The following SHB variants were observed in gnomAD, a reference collection of about 807,000 sequenced individuals.
The protein encoded by SHB is SH2 domain containing adaptor protein B.
SHB carries 20 observed loss-of-function variants against 52.3 expected under a neutral mutation model. The ratio of observed to expected loss-of-function variants is 0.38; its 90% CI spans 0.27 to 0.56. The LOEUF is 0.56. SHB is among the 20% of genes least tolerant of loss of function. The pLI, the probability that SHB is intolerant of heterozygous loss-of-function variation, is 0.71. For synonymous variants in SHB, 397 were observed against 316.5 expected (o/e 1.25, Z -2.70); for missense variants, 825 against 723.3 (o/e 1.14, Z -1.61).
chr9:37,982,083 C>T (rs1473074924), intron 2 of SHB, among the ~76,000 whole-genome samples: 2 of 150,642 alleles, frequency 1.3e-5, no homozygotes, highest in Admixed American at 6.6e-5. Context: ...TTGCCACAAA[C>T]CTTCATTTTG....
intron 3 of SHB, among the ~76,000 whole-genome samples, chr9:37,962,295 T>C (rs780820635): frequency 6.6e-6 from 1 of 152,150 alleles, no homozygotes; most frequent in Non-Finnish European, 1.5e-5. Context: ...TCCAAGAAGA[T>C]AGGGCATTTC....
chr9:37,950,246 T>G (rs1271370374), intron 4 of SHB, among the ~76,000 whole-genome samples: 2 of 151,940 alleles, frequency 1.3e-5, no homozygotes, highest in Non-Finnish European at 2.9e-5. Flanking sequence ...CTGATTTTCC[T>G]TGTGTGTGTG....
At chr9:37,991,207 T>C (rs1178966287) in intron 2 of SHB, among the ~76,000 whole-genome samples, 1 of 152,162 alleles carries the variant, frequency 6.6e-6, no homozygotes. Flanking sequence ...CATTAACCCC[T>C]AGGACAGATG....
chr9:37,948,724 G>A lies in SHB; in HGVS notation c.1257C>T (p.Asp419=), dbSNP rs746089815. The change falls in exon 5 of 6, where the codon GAC becomes GAT. Residue 419 remains aspartate, a synonymous_variant. Transcript: ENST00000377707. The part of the protein sequence containing the change: ...IWYHGAISRG[D]AENLLRLCKE... ...TGCAGAGTCGCAGCAGGTTCTCGGCGTCTCCTCTGCTGATGGCTCCGTGAT... is the reference window on the plus strand; with the variant it reads ...TGCAGAGTCGCAGCAGGTTCTCGGCATCTCCTCTGCTGATGGCTCCGTGAT... The A allele has an allele frequency of 9.2e-5, 148 of 1,613,726 alleles. No homozygotes were observed. Among genetic ancestry groups the A allele is most frequent in the Middle Eastern group, 3.3e-4 (2 of 6,082 alleles).
At chr9:38,048,173 T>C (rs1821683630) in intron 1 of SHB, among the ~76,000 whole-genome samples, 1 of 152,210 alleles carries the variant, frequency 6.6e-6, no homozygotes, top group Non-Finnish European at 1.5e-5. Context: ...CCAATAGTAA[T>C]TAAATGATTT....
intron 5 of SHB, among the ~76,000 whole-genome samples, chr9:37,946,012 A>C (rs971697026): frequency 3.9e-5 from 6 of 152,138 alleles, no homozygotes; most frequent in Admixed American, 1.3e-4. Context: ...TGACCCCAGG[A>C]AACAGGGGCA....
At chr9:38,053,473 G>A (rs561926870) in intron 1 of SHB, among the ~76,000 whole-genome samples, 3 of 152,164 alleles carry the variant, frequency 2.0e-5, no homozygotes, top group South Asian at 2.1e-4. Context: ...TCCTGACCTC[G>A]TGATCCGCCC....
chr9:38,055,100 G>A (rs1336522221), intron 1 of SHB, among the ~76,000 whole-genome samples: 2 of 152,228 alleles, frequency 1.3e-5, no homozygotes, highest in African/African-American at 4.8e-5. Flanking sequence ...TTTGTAAAAT[G>A]CTATGCAGGT....
intron 1 of SHB, among the ~76,000 whole-genome samples, chr9:38,018,108 G>A (rs1587246274): frequency 6.6e-6 from 1 of 151,822 alleles, no homozygotes; most frequent in East Asian, 1.9e-4. Context: ...AATAAGGAAG[G>A]GAAAAAATGT....
At chr9:37,971,650 C>A (rs773322974) in intron 3 of SHB, among the ~76,000 whole-genome samples, 1 of 152,146 alleles carries the variant, frequency 6.6e-6, no homozygotes, top group South Asian at 2.1e-4. Flanking sequence ...GAGACACAGA[C>A]GTGGATGTGA....
chr9:37,985,411 C>T (rs930286198), intron 2 of SHB, among the ~76,000 whole-genome samples: 5 of 152,240 alleles, frequency 3.3e-5, no homozygotes, highest in Non-Finnish European at 4.4e-5. Context: ...TGGACCTTGC[C>T]GTGCAGCTCT....
At chr9:38,020,703 T>C (rs1414704945) in intron 1 of SHB, among the ~76,000 whole-genome samples, 1 of 152,134 alleles carries the variant, frequency 6.6e-6, no homozygotes, top group Middle Eastern at 3.2e-3. Context: ...AAATCACCAC[T>C]AAAGAACTTA....
At chr9:38,044,494 C>G (rs1342011833) in intron 1 of SHB, among the ~76,000 whole-genome samples, 1 of 152,246 alleles carries the variant, frequency 6.6e-6, no homozygotes, top group Non-Finnish European at 1.5e-5. Context: ...AGATCACACA[C>G]AAGTCCCCAG....
chr9:37,960,326 T>C (rs1177622634), intron 3 of SHB, among the ~76,000 whole-genome samples: 1 of 152,260 alleles, frequency 6.6e-6, no homozygotes, highest in African/African-American at 2.4e-5. Flanking sequence ...TTTAGTGATT[T>C]TTCTGCAAAA....
intron 2 of SHB, among the ~76,000 whole-genome samples, chr9:38,005,638 G>C (rs528913082): frequency 2.0e-5 from 3 of 152,316 alleles, no homozygotes; most frequent in Admixed American, 2.0e-4. Context: ...CTTAGGGAGA[G>C]TCCTGGTATC....
intron 5 of SHB, among the ~76,000 whole-genome samples, chr9:37,924,112 G>GT (rs1287045133): frequency 4.6e-5 from 7 of 152,370 alleles, no homozygotes; most frequent in Admixed American, 4.6e-4. Flanking sequence ...ACAATGAGAG[G>GT]TGTCTCTGGT....
intron 3 of SHB, among the ~76,000 whole-genome samples, chr9:37,971,636 G>A (rs988534485): frequency 6.6e-5 from 10 of 152,262 alleles, no homozygotes; most frequent in South Asian, 2.1e-4. Context: ...GCCAGTGACC[G>A]GATGAGACAC....
rs142537645 is a variant in SHB at position 38,043,177 on chromosome 9, T to A, written c.717+24752A>T. ...CCCAGAATCAATCCATCTGACACAC[T>A]GCAACACCCTGTCTTGCTTTGCAGT... On this transcript the variant is annotated intron_variant, in intron 1 of 5. Transcript: ENST00000377707. 2.2e-3 allele frequency among the ~76,000 whole-genome samples: 332 copies of A among 152,288 alleles called. 1 individual carries two copies. The highest frequency in any genetic ancestry group is 7.7e-3 in the African/African-American group (320 of 41,544).
chr9:37,933,540 A>T (rs1372115929), intron 5 of SHB, among the ~76,000 whole-genome samples: 1 of 152,190 alleles, frequency 6.6e-6, no homozygotes, highest in Non-Finnish European at 1.5e-5. Flanking sequence ...AATGTCCACC[A>T]GTACCCAGAG....
Sources: gnomAD v4.1 joint callset for allele counts (sites outside exome capture counted in the v4.1 genomes callset) on GRCh38, gnomAD v4.1.1 for gene constraint, MANE v1.5 for transcripts, NCBI Gene and HGNC (gene_info 2026-07-23, HGNC 2026-07-21) for gene names.